Variants in NRXN1 observed in about 807,000 individuals in gnomAD.
NRXN1 encodes neurexin-1.
A neutral mutation model predicts 150.9 loss-of-function variants in NRXN1; 39 were observed. The ratio of observed to expected loss-of-function variants is 0.26; its 90% confidence interval spans 0.20 to 0.34. The LOEUF (loss-of-function observed/expected upper bound fraction) is 0.34. Ranked by LOEUF, NRXN1 falls within the 10% of genes least tolerant of loss-of-function variation. The probability of loss-of-function intolerance (pLI) is 1.00; values close to 1 mark genes in which losing one functional copy is unlikely to be tolerated. For missense variants in NRXN1, 1,815 were observed against 1,949.9 expected (o/e 0.93, Z 1.30); for synonymous variants, 924 against 757.0 (o/e 1.22, Z -3.62).
At chr2:50,434,436 G>C (rs1220350016) in intron 17 of NRXN1, among the ~76,000 whole-genome samples, 1 of 152,024 alleles carries the variant, frequency 6.6e-6, no homozygotes, top group African/African-American at 2.4e-5. Flanking sequence ...TCATCTTGAA[G>C]AGAAACAAAT....
intron 18 of NRXN1, among the ~76,000 whole-genome samples, chr2:50,194,562 G>A (rs2061640502): frequency 1.3e-5 from 2 of 152,108 alleles, no homozygotes; most frequent in South Asian, 2.1e-4. Context: ...ACATGGACTA[G>A]CATTCTAAAG....
intron 17 of NRXN1, among the ~76,000 whole-genome samples, chr2:50,266,626 G>C (rs2068930496): frequency 6.6e-6 from 1 of 151,396 alleles, no homozygotes; most frequent in Non-Finnish European, 1.5e-5. Flanking sequence ...ATGGTAATAA[G>C]AGTGTGTGGC....
At chr2:50,008,752 C>T (rs1275299712) in intron 21 of NRXN1, among the ~76,000 whole-genome samples, 1 of 152,000 alleles carries the variant, frequency 6.6e-6, no homozygotes, top group Non-Finnish European at 1.5e-5. Context: ...AGAAAATGAA[C>T]ATTCTGCTTC....
chr2:50,027,523 G>T (rs962541107), intron 21 of NRXN1, among the ~76,000 whole-genome samples: 5 of 151,940 alleles, frequency 3.3e-5, no homozygotes, highest in African/African-American at 9.7e-5. Flanking sequence ...ACTCACTGGA[G>T]ACTTGACCTC....
intron 18 of NRXN1, among the ~76,000 whole-genome samples, chr2:50,095,377 T>C (rs1700081634): frequency 6.6e-6 from 1 of 152,212 alleles, no homozygotes; most frequent in African/African-American, 2.4e-5. Context: ...TCTGTTACTC[T>C]AGGGTTGCCC....
intron 18 of NRXN1, among the ~76,000 whole-genome samples, chr2:50,155,231 C>G (rs751087854): frequency 6.6e-6 from 1 of 151,292 alleles, no homozygotes; most frequent in Non-Finnish European, 1.5e-5. Context: ...TTAATATATC[C>G]CAGGTTATTT....
chr2:50,226,866 ATTGAACATT>A (rs2064432055), intron 18 of NRXN1, among the ~76,000 whole-genome samples: 1 of 152,002 alleles, frequency 6.6e-6, no homozygotes, highest in Non-Finnish European at 1.5e-5. Flanking sequence ...ACCTATTGCC[ATTGAACATT>A]TTCAGAACAC....
chr2:50,112,919 T>C (rs149165096), intron 18 of NRXN1, among the ~76,000 whole-genome samples: 3 of 152,160 alleles, frequency 2.0e-5, no homozygotes, highest in Non-Finnish European at 2.9e-5. Context: ...TGACAAACTC[T>C]TTGCTTTTTG....
At chr2:50,161,739 T>C (rs1055065220) in intron 18 of NRXN1, among the ~76,000 whole-genome samples, 1 of 152,136 alleles carries the variant, frequency 6.6e-6, no homozygotes, top group Non-Finnish European at 1.5e-5. Context: ...ATCTTCCCAG[T>C]AGATAATATA....
At chr2:50,790,449 TA>T (rs1339711893) in intron 5 of NRXN1, among the ~76,000 whole-genome samples, 17 of 152,096 alleles carry the variant, frequency 1.1e-4, no homozygotes, top group African/African-American at 3.6e-4. Flanking sequence ...TAAACATAAA[TA>T]AAATCAAAAC....
intron 8 of NRXN1, among the ~76,000 whole-genome samples, chr2:50,606,151 G>A (rs969594454): frequency 6.6e-6 from 1 of 150,540 alleles, no homozygotes; most frequent in Admixed American, 6.6e-5. Flanking sequence ...CTGGCAGGCT[G>A]AGGCAGAAGA....
intron 5 of NRXN1, among the ~76,000 whole-genome samples, chr2:50,855,030 T>C (rs773408657): frequency 6.6e-6 from 1 of 152,046 alleles, no homozygotes; most frequent in African/African-American, 2.4e-5. Flanking sequence ...CAAATTATTC[T>C]TATATTGGAG....
rs1371116609 is a variant in NRXN1 at position 50,369,861 on chromosome 2, G to A, written c.3364+95581C>T. Reference sequence around the variant, plus strand: ...TCCCAGTGTAGGGCTGGAGGACAGTGGTAGAGAACCACTACATCACCATTG... The same window carrying A: ...TCCCAGTGTAGGGCTGGAGGACAGTAGTAGAGAACCACTACATCACCATTG... On this transcript the variant is annotated intron_variant, in intron 17 of 22. Coordinates refer to ENST00000401669, the MANE Select transcript of NRXN1 (RefSeq NM_001330078.2). Among the ~76,000 whole-genome samples, 7 of 152,020 alleles carry A rather than the reference G, an allele frequency of 4.6e-5. 1 individual carries two copies. The East Asian group carries it at 1.4e-3, about 29-fold the overall frequency.
At chr2:50,191,514 T>C (rs934679844) in intron 18 of NRXN1, among the ~76,000 whole-genome samples, 2 of 151,604 alleles carry the variant, frequency 1.3e-5, no homozygotes, top group African/African-American at 4.9e-5. Flanking sequence ...CCACCACAGT[T>C]AAAATACAGA....
chr2:50,933,365 A>T (rs570114509), intron 2 of NRXN1, among the ~76,000 whole-genome samples: 1 of 152,272 alleles, frequency 6.6e-6, no homozygotes. Context: ...TTTGAGTTAT[A>T]AAATGCAAAT....
intron 17 of NRXN1, among the ~76,000 whole-genome samples, chr2:50,253,080 G>T (rs1457991245): frequency 6.6e-6 from 1 of 151,840 alleles, no homozygotes; most frequent in Non-Finnish European, 1.5e-5. Flanking sequence ...GTCCTTTCTT[G>T]TTTTCTTGAG....
intron 17 of NRXN1, among the ~76,000 whole-genome samples, chr2:50,291,213 G>T (rs1209551267): frequency 1.3e-5 from 2 of 151,158 alleles, no homozygotes; most frequent in Non-Finnish European, 2.9e-5. Flanking sequence ...CCACTTTCAG[G>T]AACTGAACAG....
chr2:49,968,024 C>T (rs1053350805), intron 21 of NRXN1, among the ~76,000 whole-genome samples: 6 of 151,672 alleles, frequency 4.0e-5, no homozygotes, highest in Non-Finnish European at 8.8e-5. Flanking sequence ...ATTCCAGTAT[C>T]AAGAGTAAAT....
intron 5 of NRXN1, among the ~76,000 whole-genome samples, chr2:50,738,381 A>G (rs191464702): frequency 3.2e-4 from 48 of 152,328 alleles, no homozygotes; most frequent in Admixed American, 3.1e-3. Flanking sequence ...TTTCTATTTC[A>G]AAGGACAGAT....
Sources: allele counts gnomAD v4.1 joint callset (sites outside exome capture counted in the v4.1 genomes callset), GRCh38; gene constraint gnomAD v4.1.1; transcripts MANE v1.5; gene names NCBI Gene and HGNC (gene_info 2026-07-23, HGNC 2026-07-21).